LRRC4C: variants seen among roughly 807,000 people sequenced by gnomAD.
The protein encoded by LRRC4C is leucine-rich repeat-containing protein 4C.
Under a neutral mutation model 33.6 loss-of-function variants are expected in LRRC4C, and 5 were observed. The ratio of observed to expected loss-of-function variants is 0.15; its 90% CI spans 0.08 to 0.31. The LOEUF (loss-of-function observed/expected upper bound fraction) is 0.31. LRRC4C is among the 10% of genes least tolerant of loss of function. The pLI is 1.00. For synonymous variants in LRRC4C, 329 were observed against 302.0 expected (o/e 1.09, Z -0.93); for missense variants, 560 against 796.7 (o/e 0.70, Z 3.58).
chr11:40,255,490 A>C (rs1279405712), intron 4 of LRRC4C, among the ~76,000 whole-genome samples: 1 of 152,198 alleles, frequency 6.6e-6, no homozygotes, highest in East Asian at 1.9e-4. Flanking sequence ...AGTCTACCCA[A>C]ACTTTATTTA....
chr11:41,369,839 C>A (rs537365101), intron 1 of LRRC4C, among the ~76,000 whole-genome samples: 1 of 152,014 alleles, frequency 6.6e-6, no homozygotes. Context: ...GTCCACTCTG[C>A]GAATAATGTG....
chr11:40,589,926 C>T (rs1313358024), intron 3 of LRRC4C, among the ~76,000 whole-genome samples: 1 of 150,660 alleles, frequency 6.6e-6, no homozygotes. Flanking sequence ...TCCTTCATTT[C>T]AACTTTGGTG....
intron 1 of LRRC4C, among the ~76,000 whole-genome samples, chr11:41,418,608 G>T (rs936843443): frequency 1.3e-4 from 19 of 151,952 alleles, no homozygotes; most frequent in African/African-American, 4.6e-4. Context: ...CCAGCTAGGG[G>T]GGTTGGTGAA....
At chr11:40,523,263 G>T (rs1032072713) in intron 3 of LRRC4C, among the ~76,000 whole-genome samples, 3 of 151,804 alleles carry the variant, frequency 2.0e-5, no homozygotes, top group Non-Finnish European at 4.4e-5. Context: ...GATTTGATTT[G>T]CATTTTATTA....
At chr11:41,067,814 A>T (rs1427742230) in intron 1 of LRRC4C, among the ~76,000 whole-genome samples, 1 of 152,230 alleles carries the variant, frequency 6.6e-6, no homozygotes, top group Non-Finnish European at 1.5e-5. Flanking sequence ...TTGGGGGTAA[A>T]TAAGGAAATT....
At chr11:41,438,393 T>C (rs1408525483) in intron 1 of LRRC4C, among the ~76,000 whole-genome samples, 1 of 152,142 alleles carries the variant, frequency 6.6e-6, no homozygotes, top group African/African-American at 2.4e-5. Context: ...AATACAAATT[T>C]TCAAAAATAA....
At chr11:40,883,354 C>T (rs1955279149) in intron 2 of LRRC4C, among the ~76,000 whole-genome samples, 1 of 151,888 alleles carries the variant, frequency 6.6e-6, no homozygotes. Flanking sequence ...GCTTCAGTGA[C>T]TTACTCCTAA....
chr11:40,588,687 C>T (rs954638107), intron 3 of LRRC4C, among the ~76,000 whole-genome samples: 53 of 152,082 alleles, frequency 3.5e-4, no homozygotes, highest in African/African-American at 1.2e-3. Context: ...TCTTTGTTCT[C>T]GTTGGTTTCA....
chr11:41,231,483 G>A (rs921585280), intron 1 of LRRC4C, among the ~76,000 whole-genome samples: 8 of 151,432 alleles, frequency 5.3e-5, no homozygotes, highest in African/African-American at 2.0e-4. Flanking sequence ...GGATGAAGCT[G>A]GAAACCATCA....
intron 1 of LRRC4C, among the ~76,000 whole-genome samples, chr11:41,387,543 A>C (rs1235126576): frequency 2.0e-5 from 3 of 151,782 alleles, no homozygotes; most frequent in Non-Finnish European, 2.9e-5. Context: ...GATATGGAAA[A>C]AAATACAGAG....
chr11:40,823,892 C>T (rs1455148239), intron 2 of LRRC4C, among the ~76,000 whole-genome samples: 5 of 151,800 alleles, frequency 3.3e-5, no homozygotes, highest in South Asian at 2.1e-4. Flanking sequence ...TTCATAGCAG[C>T]ATGATTCATA....
chr11:40,722,203 T>G (rs1947053287), intron 2 of LRRC4C, among the ~76,000 whole-genome samples: 1 of 152,226 alleles, frequency 6.6e-6, no homozygotes, highest in African/African-American at 2.4e-5. Context: ...CATTTTGTAC[T>G]ATTTGGTAAT....
intron 2 of LRRC4C, among the ~76,000 whole-genome samples, chr11:40,877,195 G>A (rs1209857787): frequency 2.0e-5 from 3 of 151,904 alleles, no homozygotes; most frequent in South Asian, 2.1e-4. Context: ...ATTCAGAAGC[G>A]ACCTCTTTGA....
intron 3 of LRRC4C, among the ~76,000 whole-genome samples, chr11:40,450,760 T>C (rs1951845454): frequency 6.7e-6 from 1 of 148,460 alleles, no homozygotes; most frequent in South Asian, 2.1e-4. Context: ...AACTGGCACA[T>C]GTATCCCTGA....
At chr11:40,156,522 CATAA>C (rs1323897516) in intron 5 of LRRC4C, among the ~76,000 whole-genome samples, 1 of 152,048 alleles carries the variant, frequency 6.6e-6, no homozygotes, top group Non-Finnish European at 1.5e-5. Context: ...GATTAATGTA[CATAA>C]ATCAGTAGCT....
intron 5 of LRRC4C, among the ~76,000 whole-genome samples, chr11:40,187,392 A>C (rs1187648722): frequency 6.8e-6 from 1 of 147,634 alleles, no homozygotes; most frequent in African/African-American, 2.5e-5. Context: ...CTGCATTTCT[A>C]TTGGCTTTGC....
chr11:40,861,830 TCA>T (rs1954116712), intron 2 of LRRC4C, among the ~76,000 whole-genome samples: 1 of 152,114 alleles, frequency 6.6e-6, no homozygotes, highest in Non-Finnish European at 1.5e-5. Context: ...ACCAGACATG[TCA>T]CATGGTGAGA....
At chr11:41,187,721 G>A (rs1297873760) in intron 1 of LRRC4C, among the ~76,000 whole-genome samples, 3 of 152,186 alleles carry the variant, frequency 2.0e-5, no homozygotes, top group East Asian at 3.9e-4. Flanking sequence ...AAAACTAAAA[G>A]AGCACCCTGT....
At position 40,857,496 on chromosome 11, in the gene LRRC4C, G is replaced by T. The variant is rs1338410162; in HGVS notation, c.-407+76139C>A. Among the ~76,000 whole-genome samples the T allele has an allele frequency of 3.9e-5, 6 of 152,280 alleles. No homozygotes were observed. The Middle Eastern group carries it at 0.01, about 259-fold the overall frequency. On this transcript the variant is annotated intron_variant, in intron 2 of 6. Transcript: ENST00000528697. ...CACACACATTTTTATCTGAATGAAA[G>T]TTATAGTCACACACTGAGGGAAAGA... is the stretch of plus-strand genomic sequence containing the variant.
Sources: gnomAD v4.1 joint callset for allele counts (sites outside exome capture counted in the v4.1 genomes callset) on GRCh38, gnomAD v4.1.1 for gene constraint, MANE v1.5 for transcripts, NCBI Gene and HGNC (gene_info 2026-07-23, HGNC 2026-07-21) for gene names.